ZNF804B: variants seen among roughly 807,000 people sequenced by gnomAD.
The protein encoded by ZNF804B is zinc finger protein 804B.
In ZNF804B, 80 loss-of-function variants were observed where a neutral mutation model predicts 101.4. The ratio of observed to expected loss-of-function variants is 0.79; its 90% CI spans 0.66 to 0.95. The LOEUF (loss-of-function observed/expected upper bound fraction) is 0.95. Among genes scored for constraint, ZNF804B ranks in the 40% least tolerant of loss-of-function variants. ZNF804B has a pLI of 0.00. For missense variants in ZNF804B, 1,673 were observed against 1,561.9 expected (o/e 1.07, Z -1.20); for synonymous variants, 622 against 558.8 (o/e 1.11, Z -1.59).
intron 1 of ZNF804B, among the ~76,000 whole-genome samples, chr7:89,186,144 A>G (rs1788372899): frequency 6.6e-6 from 1 of 152,096 alleles, no homozygotes; most frequent in Non-Finnish European, 1.5e-5. Flanking sequence ...TAGTGATAAA[A>G]TAATTTTGTA....
intron 1 of ZNF804B, among the ~76,000 whole-genome samples, chr7:89,153,975 C>T (rs565917121): frequency 6.6e-6 from 1 of 151,952 alleles, no homozygotes. Flanking sequence ...TGTAGCCTTC[C>T]CCATCACCTT....
intron 2 of ZNF804B, among the ~76,000 whole-genome samples, chr7:89,222,699 A>T (rs990536456): frequency 1.3e-4 from 20 of 151,998 alleles, no homozygotes; most frequent in African/African-American, 4.6e-4. Flanking sequence ...CTCTTTTTCA[A>T]CACATACTTC....
At chr7:89,183,383 G>C (rs1007860922) in intron 1 of ZNF804B, among the ~76,000 whole-genome samples, 1 of 151,906 alleles carries the variant, frequency 6.6e-6, no homozygotes, top group Non-Finnish European at 1.5e-5. Context: ...AATTAAACTA[G>C]AGAGTAAAAA....
intron 2 of ZNF804B, among the ~76,000 whole-genome samples, chr7:89,319,205 C>A (rs930260340): frequency 1.4e-4 from 21 of 152,122 alleles, no homozygotes; most frequent in African/African-American, 5.1e-4. Context: ...TATGGCCAGT[C>A]TTGGGGCCAG....
chr7:88,991,362 A>C (rs1316285468), intron 1 of ZNF804B, among the ~76,000 whole-genome samples: 1 of 152,054 alleles, frequency 6.6e-6, no homozygotes, highest in African/African-American at 2.4e-5. Flanking sequence ...CCTGTGTAGT[A>C]CACAACCACT....
chr7:89,107,473 T>TG (rs775567301), intron 1 of ZNF804B, among the ~76,000 whole-genome samples: 32 of 152,274 alleles, frequency 2.1e-4, no homozygotes, highest in South Asian at 1.9e-3. Context: ...AGCAAATCTA[T>TG]GGGGATACTC....
intron 2 of ZNF804B, among the ~76,000 whole-genome samples, chr7:89,258,348 C>G (rs75910317): frequency 5.8e-4 from 88 of 152,154 alleles, no homozygotes; most frequent in Non-Finnish European, 8.2e-4. Context: ...CCCTTAATTG[C>G]TCAGAATCCT....
chr7:88,904,221 T>C (rs112519177), intron 1 of ZNF804B, among the ~76,000 whole-genome samples: 220 of 152,344 alleles, frequency 1.4e-3, no homozygotes, highest in African/African-American at 5.2e-3. Context: ...CCTTTCCCCA[T>C]TGCTAATTTT....
At chr7:89,076,055 G>T (rs1182688925) in intron 1 of ZNF804B, among the ~76,000 whole-genome samples, 2 of 152,160 alleles carry the variant, frequency 1.3e-5, no homozygotes, top group Non-Finnish European at 2.9e-5. Flanking sequence ...GATTTTACAG[G>T]CTCCTAGGTG....
At chr7:89,015,411 G>T (rs948558293) in intron 1 of ZNF804B, among the ~76,000 whole-genome samples, 1 of 151,510 alleles carries the variant, frequency 6.6e-6, no homozygotes, top group African/African-American at 2.4e-5. Context: ...ATGTATACAT[G>T]TGCTATGCTG....
chr7:89,139,470 C>T (rs780251618), intron 1 of ZNF804B, among the ~76,000 whole-genome samples: 1 of 152,114 alleles, frequency 6.6e-6, no homozygotes, highest in African/African-American at 2.4e-5. Flanking sequence ...ATTTCATCCA[C>T]AGCAGAACAC....
intron 1 of ZNF804B, among the ~76,000 whole-genome samples, chr7:89,139,716 C>T (rs963711364): frequency 6.6e-6 from 1 of 152,058 alleles, no homozygotes; most frequent in African/African-American, 2.4e-5. Flanking sequence ...TCTTCAGGCT[C>T]CGCTTGTAGT....
Position 89,125,359 on chromosome 7 carries a change from G to A in ZNF804B, c.109-92796G>A, listed in dbSNP as rs1402277487. Among the ~76,000 whole-genome samples the A allele has an allele frequency of 2.0e-5, 3 of 151,684 alleles. No homozygotes were observed. In the East Asian group the frequency reaches 5.8e-4, roughly 29 times the overall value. On this transcript the variant is annotated intron_variant, in intron 1 of 3. Transcript: ENST00000333190. ...ATATATTATATATCTATGTGTATAT[G>A]TGAATATATGTAAAATGATCAAAAT... is the stretch of plus-strand genomic sequence containing the variant.
intron 1 of ZNF804B, among the ~76,000 whole-genome samples, chr7:89,012,074 G>A (rs753194078): frequency 6.6e-6 from 1 of 152,144 alleles, no homozygotes; most frequent in Non-Finnish European, 1.5e-5. Context: ...CTTGACTTCT[G>A]TGTACTCACA....
intron 1 of ZNF804B, among the ~76,000 whole-genome samples, chr7:88,883,024 AT>A (rs1792066597): frequency 6.6e-6 from 1 of 152,094 alleles, no homozygotes; most frequent in Admixed American, 6.6e-5. Flanking sequence ...AAATTAAAAA[AT>A]GTCTTCCAAA....
chr7:89,265,265 A>AGTGTGTGTGTGT (rs71102029), intron 2 of ZNF804B, among the ~76,000 whole-genome samples: 7 of 145,126 alleles, frequency 4.8e-5, no homozygotes, highest in African/African-American at 1.8e-4. Flanking sequence ...AGGTTAAGTC[A>AGTGTGTGTGTGT]GTGTGTGTGT....
chr7:88,825,921 A>G (rs558709796), intron 1 of ZNF804B, among the ~76,000 whole-genome samples: 2 of 152,120 alleles, frequency 1.3e-5, no homozygotes, highest in Non-Finnish European at 2.9e-5. Context: ...TATAGAACAA[A>G]TAGTTCCTAT....
chr7:89,246,423 A>C (rs922389664), intron 2 of ZNF804B, among the ~76,000 whole-genome samples: 2 of 150,726 alleles, frequency 1.3e-5, no homozygotes, highest in African/African-American at 5.0e-5. Context: ...CAGCAGCTTA[A>C]GCCTCCTCAC....
At chr7:89,250,757 T>TTCA (rs1284647264) in intron 2 of ZNF804B, among the ~76,000 whole-genome samples, 3 of 152,216 alleles carry the variant, frequency 2.0e-5, no homozygotes, top group African/African-American at 7.2e-5. Flanking sequence ...TCAAATAGGC[T>TTCA]TCATTCCTAA....
Sources: allele counts gnomAD v4.1 joint callset (sites outside exome capture counted in the v4.1 genomes callset), GRCh38; gene constraint gnomAD v4.1.1; transcripts MANE v1.5; gene names NCBI Gene and HGNC (gene_info 2026-07-23, HGNC 2026-07-21).